ODAD2: variants seen among roughly 807,000 people sequenced by gnomAD.
The protein encoded by ODAD2 is outer dynein arm-docking complex subunit 2.
Under a neutral mutation model 106.8 loss-of-function variants are expected in ODAD2, and 89 were observed. That is an observed-to-expected ratio of 0.83 (90% confidence interval 0.70 to 0.99). ODAD2 has a LOEUF of 0.99. Ranked by LOEUF, ODAD2 falls within the 50% of genes least tolerant of loss-of-function variation. ODAD2 has a pLI of 0.00. For missense variants in ODAD2, 1,168 were observed against 1,238.5 expected, an observed-to-expected ratio of 0.94 and a Z score of 0.85; for synonymous variants, 404 against 436.2, an observed-to-expected ratio of 0.93 and a Z score of 0.92.
intron 10 of ODAD2, among the ~76,000 whole-genome samples, chr10:27,945,632 A>G (rs1846857122): frequency 6.6e-6 from 1 of 152,230 alleles, no homozygotes; most frequent in South Asian, 2.1e-4. Context: ...ATGCTCCTTC[A>G]GGATTAAAAA....
chr10:27,835,304 T>C (rs1162048028), intron 19 of ODAD2, among the ~76,000 whole-genome samples: 1 of 152,170 alleles, frequency 6.6e-6, no homozygotes, highest in Non-Finnish European at 1.5e-5. Flanking sequence ...GTTGGTTCAA[T>C]GTACAGGAAC....
chr10:27,870,280 A>G (rs1374523011), intron 17 of ODAD2, among the ~76,000 whole-genome samples: 2 of 152,046 alleles, frequency 1.3e-5, no homozygotes, highest in Non-Finnish European at 1.5e-5. Flanking sequence ...GGCATAGTCT[A>G]CACTCCAGCC....
rs202214530 is a variant in ODAD2 at position 27,937,065 on chromosome 10, CT to C, written c.2098-186del. 0.01 allele frequency among the ~76,000 whole-genome samples: 1,560 copies of C among 152,246 alleles called. 14 individuals are homozygous for C. The highest frequency in any genetic ancestry group is 0.034 in the Middle Eastern group (10 of 292). ...AGCTTTCTGACAGCATGTCTCTCTC[CT>C]TATGTGGCTTTGGGAATGGATAGCA... On this transcript the variant is annotated intron_variant, in intron 14 of 19. Transcript: ENST00000305242.
intron 16 of ODAD2, among the ~76,000 whole-genome samples, chr10:27,926,603 G>A (rs1845276113): frequency 6.6e-6 from 1 of 152,088 alleles, no homozygotes; most frequent in Admixed American, 6.5e-5. Context: ...TAAAGGGCAT[G>A]GGAATTCTGT....
chr10:27,919,825 C>T (rs1364819805), intron 16 of ODAD2, among the ~76,000 whole-genome samples: 1 of 152,124 alleles, frequency 6.6e-6, no homozygotes, highest in African/African-American at 2.4e-5. Flanking sequence ...TGAAACATAA[C>T]ATGAGTAAAC....
At chr10:27,890,411 C>T (rs944978004) in intron 17 of ODAD2, among the ~76,000 whole-genome samples, 13 of 152,108 alleles carry the variant, frequency 8.5e-5, no homozygotes, top group Admixed American at 2.6e-4. Flanking sequence ...AACTGATAAC[C>T]AACTGTGCTT....
intron 18 of ODAD2, 106 bp from the exon 19 acceptor site, chr10:27,860,952 G>T: frequency 1.1e-6 from 1 of 939,546 alleles, no homozygotes; most frequent in Non-Finnish European, 1.6e-6. Context: ...AATGAGTCTA[G>T]AGAAAAGGGC....
At chr10:27,873,862 T>C (rs1172555315) in intron 17 of ODAD2, among the ~76,000 whole-genome samples, 1 of 152,202 alleles carries the variant, frequency 6.6e-6, no homozygotes, top group Non-Finnish European at 1.5e-5. Context: ...TCTGTAGGTG[T>C]CTATTAGGTC....
chr10:27,910,291 C>G (rs1843906557), intron 16 of ODAD2, among the ~76,000 whole-genome samples: 1 of 152,156 alleles, frequency 6.6e-6, no homozygotes, highest in Non-Finnish European at 1.5e-5. Context: ...AAACGATTCT[C>G]AACCCAAAGA....
chr10:27,957,480 T>C (rs7907935), intron 10 of ODAD2: 81,320 of 151,944 alleles, frequency 0.54, 21,931 homozygotes, highest in Middle Eastern at 0.65. Flanking sequence ...ACAGACAACC[T>C]GAACCATCAG....
At chr10:27,955,538 G>T (rs1321806367) in intron 10 of ODAD2, among the ~76,000 whole-genome samples, 1 of 152,056 alleles carries the variant, frequency 6.6e-6, no homozygotes, top group Non-Finnish European at 1.5e-5. Flanking sequence ...TTCCACCAAT[G>T]AAACAAGGAT....
chr10:27,977,397 T>C (rs950205382), intron 7 of ODAD2, among the ~76,000 whole-genome samples: 16 of 129,302 alleles, frequency 1.2e-4, no homozygotes, highest in Non-Finnish European at 2.0e-4. Context: ...ACCCCATTTC[T>C]GCTAAAAAAA....
At chr10:27,915,962 G>C (rs1844340547) in intron 16 of ODAD2, among the ~76,000 whole-genome samples, 1 of 152,180 alleles carries the variant, frequency 6.6e-6, no homozygotes, top group Non-Finnish European at 1.5e-5. Context: ...CCACCATGGA[G>C]TGTTAGAGCA....
chr10:27,973,332 AAAAAT>A (rs1848984617), intron 7 of ODAD2, among the ~76,000 whole-genome samples: 1 of 152,148 alleles, frequency 6.6e-6, no homozygotes, highest in African/African-American at 2.4e-5. Context: ...CATCTGTACC[AAAAAT>A]AAAATAGTTT....
chr10:27,998,676 G>A (rs1015017628), intron 1 of ODAD2, among the ~76,000 whole-genome samples: 1 of 152,036 alleles, frequency 6.6e-6, no homozygotes, highest in Non-Finnish European at 1.5e-5. Flanking sequence ...CTTGGTCCCC[G>A]GGAGGGAAAG....
rs568897505 is a variant in ODAD2, at chr10:27,817,747, C to T, written c.3022-5122G>A. ...AAATCCAATACTCTATGAATGGGCA[C>T]TTAGGTTGATTCCATATCTTTGCTA... On this transcript the variant is annotated intron_variant, in intron 19 of 19. Coordinates refer to ENST00000305242, the MANE Select transcript of ODAD2 (RefSeq NM_018076.5). Among the ~76,000 whole-genome samples, 8 of 152,090 alleles carry T rather than the reference C, an allele frequency of 5.3e-5. No homozygotes were observed. The East Asian group carries it at 1.5e-3, about 29-fold the overall frequency.
At chr10:27,868,005 T>A (rs1180909265) in intron 17 of ODAD2, among the ~76,000 whole-genome samples, 2 of 151,314 alleles carry the variant, frequency 1.3e-5, no homozygotes, top group Admixed American at 6.6e-5. Flanking sequence ...CATATACAGT[T>A]ATTATAAGAA....
intron 17 of ODAD2, among the ~76,000 whole-genome samples, chr10:27,863,605 T>C (rs987362764): frequency 1.3e-5 from 2 of 152,142 alleles, no homozygotes; most frequent in Non-Finnish European, 2.9e-5. Context: ...GTGGGGAAGA[T>C]GGGCATTAAG....
At chr10:27,940,837 A>G (rs1274699223) in intron 12 of ODAD2, 32 bp from the exon 13 acceptor site, 1 of 1,596,030 alleles carries the variant, frequency 6.3e-7, no homozygotes, top group Admixed American at 1.7e-5. Context: ...ATGTTCATGG[A>G]AATCTTAAAA....
Sources: gnomAD v4.1 joint callset for allele counts (sites outside exome capture counted in the v4.1 genomes callset) on GRCh38, gnomAD v4.1.1 for gene constraint, MANE v1.5 for transcripts, NCBI Gene and HGNC (gene_info 2026-07-23, HGNC 2026-07-21) for gene names.